The following MYH1 variants were observed in gnomAD, a reference collection of about 807,000 sequenced individuals.
MYH1 encodes myosin heavy chain 1.
MYH1 carries 214 observed loss-of-function variants against 225.6 expected under a neutral mutation model. That is an observed-to-expected ratio of 0.95 (90% confidence interval 0.85 to 1.06). The LOEUF is 1.06. Among genes scored for constraint, MYH1 ranks in the 50% least tolerant of loss-of-function variants. The pLI, the probability that MYH1 is intolerant of heterozygous loss-of-function variation, is 0.00. For missense variants in MYH1, 2,098 were observed against 2,344.2 expected (o/e 0.89, Z 2.17); for synonymous variants, 774 against 842.3 (o/e 0.92, Z 1.40).
intron 25 of MYH1, 36 bp from the exon 26 acceptor site, chr17:10,501,720 A>G: frequency 6.2e-7 from 1 of 1,614,042 alleles, no homozygotes; most frequent in Middle Eastern, 1.6e-4. Flanking sequence ...TCTCAGAAAT[A>G]TTAAGAGTAA....
At chr17:10,508,276 C>T (rs1450905566) in intron 16 of MYH1, 87 bp downstream of exon 16, 1 of 1,455,638 alleles carries the variant, frequency 6.9e-7, no homozygotes, top group Non-Finnish European at 9.2e-7. Flanking sequence ...ACCTTGGCCT[C>T]CCAAAATGCT....
Position 10,498,671 on chromosome 17 carries a change from T to C in MYH1, c.4136A>G (p.Tyr1379Cys). Reference protein sequence around the residue: ...NSEVAQWRTKYETDAIQRTEE... With the variant: ...NSEVAQWRTKCETDAIQRTEE... ...TGTGCGCTGGATGGCATCTGTCTCA[T>C]ATTTGGTCCTCCACTGGGCAACCTC... is the stretch of plus-strand genomic sequence containing the variant. The change falls in exon 30 of 40, where the codon TAT (tyrosine) becomes TGT (cysteine). Residue 1379 changes from tyrosine (Y) to cysteine (C), a missense_variant. Tyr to Cys is a radical substitution (Grantham distance 194). Coordinates refer to ENST00000226207, the MANE Select transcript of MYH1 (RefSeq NM_005963.4). 2 of 1,614,024 alleles carry C rather than the reference T, an allele frequency of 1.2e-6. No individual in the cohort carries two copies. Among genetic ancestry groups the C allele is most frequent in the East Asian group, 2.2e-5 (1 of 44,874 alleles).
intron 35 of MYH1, among the ~76,000 whole-genome samples, chr17:10,495,543 C>T (rs907887523): frequency 6.6e-6 from 1 of 151,800 alleles, no homozygotes; most frequent in Non-Finnish European, 1.5e-5. Context: ...GGGTGGATTA[C>T]GAGATCAGGA....
At chr17:10,498,084 A>G (rs1189168369) in intron 30 of MYH1, among the ~76,000 whole-genome samples, 167 bp from the exon 31 acceptor site, 3 of 152,232 alleles carry the variant, frequency 2.0e-5, no homozygotes, top group Admixed American at 2.0e-4. Flanking sequence ...CCTACCACCA[A>G]ATACCAAAAA....
At chr17:10,517,007 ATGG>A (rs1411033976) in intron 2 of MYH1, among the ~76,000 whole-genome samples, 4 of 152,214 alleles carry the variant, frequency 2.6e-5, no homozygotes, top group Non-Finnish European at 5.9e-5. Flanking sequence ...TAAAGCTATA[ATGG>A]TGGCAGGATA....
chr17:10,513,697 G>A lies in MYH1; in HGVS notation c.742-8C>T, dbSNP rs758789418. The A allele has an allele frequency of 6.2e-6, 10 of 1,613,940 alleles. No individual in the cohort carries two copies. Among genetic ancestry groups the A allele is most frequent in the South Asian group, 1.1e-5 (1 of 91,076 alleles). On this transcript the variant is annotated splice_polypyrimidine_tract_variant and splice_region_variant and intron_variant, in intron 8 of 39. Coordinates refer to ENST00000226207, the MANE Select transcript of MYH1 (RefSeq NM_005963.4). The stretch of plus-strand genomic sequence containing the variant: ...GATCCTGATGAATTTACCCTTGTAA[G>A]TAAAAAAAATGATGTTATACCCAAA...
chr17:10,513,233 C>T (rs1277477194), intron 9 of MYH1, among the ~76,000 whole-genome samples: 1 of 152,174 alleles, frequency 6.6e-6, no homozygotes, highest in East Asian at 1.9e-4. Flanking sequence ...TCCTGAGACT[C>T]CCTCTGCAGG....
At chr17:10,512,318 G>C (rs1250623919) in intron 12 of MYH1, 90 bp downstream of exon 12, 8 of 1,602,968 alleles carry the variant, frequency 5.0e-6, no homozygotes, top group Non-Finnish European at 6.0e-6. Flanking sequence ...ATGTCCATCA[G>C]GAGCTCAGCT....
At chr17:10,514,958 T>G (rs1017068) in intron 5 of MYH1, 63 bp from the exon 6 acceptor site, 577,943 of 1,446,932 alleles carry the variant, frequency 0.4, 124,032 homozygotes, top group East Asian at 0.84. Context: ...CTTTCTATAG[T>G]GAAACAGGGC....
chr17:10,508,717 T>C, intron 15 of MYH1, 45 bp from the exon 16 acceptor site: 1 of 1,591,492 alleles, frequency 6.3e-7, no homozygotes, highest in East Asian at 2.2e-5. Flanking sequence ...TTCTGTCTGC[T>C]TATAGAAATA....
In MYH1 at chr17:10,516,572, C is replaced by T. The variant is rs61730792; in HGVS notation, c.71G>A (p.Arg24Gln). ...AAAAGGCTTGTTCTGGGCTTCAATT[C>T]GCTCCCTTTCAGACTTTCGGAGGAA... ...APFLRKSERE[R>Q]IEAQNKPFDA... The change falls in exon 3 of 40, where the codon CGA (arginine) becomes CAA (glutamine). Residue 24 changes from arginine to glutamine, a missense_variant. Physicochemically the swap from Arg to Gln is conservative, Grantham distance 43. Transcript: ENST00000226207. 969 of 1,614,054 alleles carry T rather than the reference C, an allele frequency of 6.0e-4. 5 individuals are homozygous for T. Among genetic ancestry groups the T allele is most frequent in the Admixed American group, 4.2e-4 (25 of 60,008 alleles).
In MYH1 at chr17:10,508,003, T is replaced by TG. The variant is rs754322065; in HGVS notation, c.1898-48dup. 4 of 1,447,150 alleles carry TG rather than the reference T, an allele frequency of 2.8e-6. No homozygotes were observed. The African/African-American group carries it at 5.9e-5, about 21-fold the overall frequency. The allele number at this position is 1,447,150 out of a possible 1,614,324, so 89.6% of individuals were successfully genotyped here. The stretch of plus-strand genomic sequence containing the variant: ...TCATAGGACAGCCTTTCTCTGGTTA[T>TG]GGTTTTTTTTTTTTGTTTTTTTTTG... On this transcript the variant is annotated intron_variant, in intron 16 of 39. Coordinates refer to ENST00000226207, the MANE Select transcript of MYH1 (RefSeq NM_005963.4).
In MYH1 at chr17:10,497,378, T is replaced by A; in HGVS notation, c.4440A>T (p.Ser1480=). The A allele has an allele frequency of 6.2e-7, 1 of 1,613,850 alleles. No individual in the cohort carries two copies. Among genetic ancestry groups the A allele is most frequent in the African/African-American group, 1.3e-5 (1 of 75,040 alleles). Residue 1480 remains serine (S), a synonymous_variant, in exon 32 of 40, where the codon TCA becomes TCT. Transcript: ENST00000226207. ...ELEASQKESR[S]LSTELFKIKN... Reference sequence around the variant, plus strand: ...TAATCTTAAATAGTTCTGTGCTGAGTGAGCGGGATTCCTTTTGAGAAGCTT... The same window carrying A: ...TAATCTTAAATAGTTCTGTGCTGAGAGAGCGGGATTCCTTTTGAGAAGCTT...
intron 28 of MYH1, 69 bp downstream of exon 28, chr17:10,500,555 CAG>C (rs2073042049): frequency 6.3e-7 from 1 of 1,599,540 alleles, no homozygotes; most frequent in Non-Finnish European, 8.5e-7. Context: ...TAAATAAATG[CAG>C]AGTTTTTCAG....
intron 19 of MYH1, 93 bp downstream of exon 19, chr17:10,505,705 TTATCTTCTCTTCAA>T (rs1244827512): frequency 2.8e-5 from 42 of 1,482,346 alleles, no homozygotes; most frequent in Non-Finnish European, 3.8e-5. Flanking sequence ...TTAAGTGAGT[TTATCTTCTCTTCAA>T]TTTTAAGAGG....
At chr17:10,511,718 G>A in intron 14 of MYH1, 121 bp downstream of exon 14, 1 of 1,495,556 alleles carries the variant, frequency 6.7e-7, no homozygotes, top group Non-Finnish European at 9.2e-7. Flanking sequence ...TGTCAGTTAA[G>A]TTTAAAGTGC....
In MYH1 at chr17:10,505,069, T is replaced by A. The variant is rs754176025; in HGVS notation, c.2436-4A>T. 1.1e-5 allele frequency: 18 copies of A among 1,613,894 alleles called. No individual in the cohort carries two copies. The South Asian group carries it at 1.9e-4, about 17-fold the overall frequency. On this transcript the variant is annotated splice_region_variant and splice_polypyrimidine_tract_variant and intron_variant, in intron 21 of 39. Coordinates refer to ENST00000226207, the MANE Select transcript of MYH1 (RefSeq NM_005963.4). ...CTGGATGCAGAAGATGGACTCTCTG[T>A]CATAGGAACAGAAATGTCCAAATCA...
rs2072974497 is a variant in MYH1 at position 10,495,083 on chromosome 17, C to T, written c.5314G>A (p.Glu1772Lys). 1 of 1,614,220 alleles carries T rather than the reference C, an allele frequency of 6.2e-7. No homozygotes were observed. Among genetic ancestry groups the T allele is most frequent in the Non-Finnish European group, 8.5e-7 (1 of 1,180,038 alleles). ...CTGGTGTCCTGTTCCTTCTTCAGCTCCTCAGCCATCATGGCAGCCTAATTA... is the reference window on the plus strand; with the variant it reads ...CTGGTGTCCTGTTCCTTCTTCAGCTTCTCAGCCATCATGGCAGCCTAATTA... ...AITDAAMMAEELKKEQDTSAH... is the reference protein window; with the variant it reads ...AITDAAMMAEKLKKEQDTSAH... Residue 1772 changes from glutamate to lysine, a missense_variant, in exon 37 of 40, where the codon GAG (glutamate) becomes AAG (lysine). By Grantham distance (56) the Glu-to-Lys change is moderately conservative. Transcript: ENST00000226207.
At position 10,511,767 on chromosome 17, in the gene MYH1, G is replaced by A. The variant is rs2073171782; in HGVS notation, c.1416+72C>T. 2.5e-6 allele frequency: 4 copies of A among 1,606,266 alleles called. No homozygotes were observed. The South Asian group carries it at 3.3e-5, about 13-fold the overall frequency. ...AGACCCTTTCCATAAGTGACTACAGGCATGCTATATGACTGCAGCAACAAG... is the reference window on the plus strand; with the variant it reads ...AGACCCTTTCCATAAGTGACTACAGACATGCTATATGACTGCAGCAACAAG... On this transcript the variant is annotated intron_variant, in intron 14 of 39. Transcript: ENST00000226207.
Sources: gnomAD v4.1 joint callset for allele counts (sites outside exome capture counted in the v4.1 genomes callset) on GRCh38, gnomAD v4.1.1 for gene constraint, MANE v1.5 for transcripts, NCBI Gene and HGNC (gene_info 2026-07-23, HGNC 2026-07-21) for gene names.